The following NCAM2 variants were observed in gnomAD, a reference collection of about 807,000 sequenced individuals.
NCAM2 encodes the protein neural cell adhesion molecule 2, also known as N-CAM-2.
NCAM2 carries 30 observed loss-of-function variants against 98.1 expected under a neutral mutation model. The observed-to-expected ratio is 0.31, with a 90% CI of 0.23 to 0.41. The LOEUF is 0.41. NCAM2 is among the 10% of genes least tolerant of loss of function. The pLI is 1.00. For missense variants in NCAM2, 867 were observed against 1,005.8 expected, an observed-to-expected ratio of 0.86 and a Z score of 1.87; for synonymous variants, 368 against 342.4, an observed-to-expected ratio of 1.07 and a Z score of -0.83.
chr21:21,366,604 TG>T (rs2075792719), intron 8 of NCAM2, among the ~76,000 whole-genome samples: 1 of 152,080 alleles, frequency 6.6e-6, no homozygotes, highest in South Asian at 2.1e-4. Context: ...GCTCTAGACC[TG>T]AGTCTGGTTT....
rs34997215 is a variant in NCAM2, at chr21:21,415,330, CTTTTTTTTTTTT to C, written c.1384-3128_1384-3117del. Among the ~76,000 whole-genome samples the C allele has an allele frequency of 4.0e-3, 284 of 70,840 alleles. 15 individuals carry two copies. Among genetic ancestry groups the C allele is most frequent in the East Asian group, 0.024 (46 of 1,930 alleles). The allele number at this position is 70,840 out of a possible 152,430, so 46.5% of individuals were successfully genotyped here. ...ATTCCATCAATGATCTTAGCTTGAT[CTTTTTTTTTTTT>C]TTTTTTTTTTTTTTGAGACAGGGTC... On this transcript the variant is annotated intron_variant, in intron 10 of 17. Transcript: ENST00000400546.
In NCAM2 at chr21:21,338,374, A is replaced by G. The variant is rs554839697; in HGVS notation, c.899-15A>G. 57 of 1,603,086 alleles carry G rather than the reference A, an allele frequency of 3.6e-5. No individual in the cohort carries two copies. Among genetic ancestry groups the G allele is most frequent in the African/African-American group, 6.7e-5 (5 of 74,626 alleles). Reference sequence around the variant, plus strand: ...TCCTCCAATACCGGTTGAGTAATATATATATTCTTTACAGTACAGCCTCAC... The same window carrying G: ...TCCTCCAATACCGGTTGAGTAATATGTATATTCTTTACAGTACAGCCTCAC... On this transcript the variant is annotated splice_polypyrimidine_tract_variant and intron_variant, in intron 7 of 17. Coordinates refer to ENST00000400546, the MANE Select transcript of NCAM2 (RefSeq NM_004540.5).
At chr21:21,423,076 CATT>C (rs141625183) in intron 11 of NCAM2, among the ~76,000 whole-genome samples, 3,050 of 151,916 alleles carry the variant, frequency 0.02, 98 homozygotes, top group African/African-American at 0.064. Flanking sequence ...TTTGTTTCAT[CATT>C]GTTATATTTT....
chr21:21,459,830 A>G (rs1982697808), intron 12 of NCAM2, among the ~76,000 whole-genome samples: 1 of 151,846 alleles, frequency 6.6e-6, no homozygotes, highest in Non-Finnish European at 1.5e-5. Flanking sequence ...ACTATAATTA[A>G]TAATGCCATA....
intron 9 of NCAM2, among the ~76,000 whole-genome samples, chr21:21,404,752 A>G (rs1248145734): frequency 6.6e-6 from 1 of 151,784 alleles, no homozygotes; most frequent in Non-Finnish European, 1.5e-5. Context: ...GTGAATATGT[A>G]TATATTCATA....
intron 16 of NCAM2, among the ~76,000 whole-genome samples, chr21:21,516,231 A>G (rs1988705284): frequency 6.6e-6 from 1 of 152,208 alleles, no homozygotes; most frequent in Non-Finnish European, 1.5e-5. Context: ...AGTAAGGTCT[A>G]CAGTCTCTGA....
chr21:21,286,191 G>A, intron 3 of NCAM2, 78 bp from the exon 4 acceptor site: 1 of 1,426,138 alleles, frequency 7.0e-7, no homozygotes, highest in South Asian at 1.3e-5. Context: ...ATAGAGTCTG[G>A]ATTATGTTAT....
intron 16 of NCAM2, among the ~76,000 whole-genome samples, chr21:21,530,514 A>T (rs534953218): frequency 6.6e-6 from 1 of 150,730 alleles, no homozygotes; most frequent in Non-Finnish European, 1.5e-5. Flanking sequence ...ATAATTTTCC[A>T]TGTGGTCTAT....
At chr21:21,108,336 G>A (rs895783102) in intron 1 of NCAM2, among the ~76,000 whole-genome samples, 5 of 151,866 alleles carry the variant, frequency 3.3e-5, no homozygotes, top group African/African-American at 9.7e-5. Context: ...TTTCATTCAC[G>A]GTTTAATTTC....
intron 1 of NCAM2, among the ~76,000 whole-genome samples, chr21:21,238,885 A>G (rs189321604): frequency 3.9e-4 from 59 of 152,344 alleles, no homozygotes; most frequent in Middle Eastern, 3.4e-3. Flanking sequence ...GAAGGCTTCA[A>G]TCACATGGCG....
At chr21:21,534,188 A>G (rs369165629) in intron 16 of NCAM2, among the ~76,000 whole-genome samples, 49 of 152,162 alleles carry the variant, frequency 3.2e-4, no homozygotes, top group African/African-American at 1.2e-3. Context: ...AGTTAGAGGA[A>G]AGAAACCTAC....
At chr21:21,430,930 C>T (rs892195233) in intron 11 of NCAM2, among the ~76,000 whole-genome samples, 1 of 151,174 alleles carries the variant, frequency 6.6e-6, no homozygotes, top group Middle Eastern at 3.2e-3. Flanking sequence ...CCTGTAGTCC[C>T]AGCTACTCTG....
rs145954422 is a variant in NCAM2 at position 21,481,181 on chromosome 21, C to G, written c.2077+3710C>G. On this transcript the variant is annotated intron_variant, in intron 15 of 17. Coordinates refer to ENST00000400546, the MANE Select transcript of NCAM2 (RefSeq NM_004540.5). ...CCAGTAACTAGAAGGGCGACTGGCA[C>G]AGCAGTGATTTCCAGAGAATATTTC... Among the ~76,000 whole-genome samples the G allele has an allele frequency of 3.0e-3, 458 of 152,272 alleles. 3 individuals carry two copies. Among genetic ancestry groups the G allele is most frequent in the Non-Finnish European group, 3.7e-3 (254 of 68,026 alleles).
chr21:21,093,653 A>AT (rs1292594549), intron 1 of NCAM2, among the ~76,000 whole-genome samples: 4 of 151,844 alleles, frequency 2.6e-5, no homozygotes, highest in Admixed American at 2.0e-4. Context: ...ATTATACCAG[A>AT]TTTTTTCTGC....
chr21:21,123,311 G>A (rs1601427739), intron 1 of NCAM2, among the ~76,000 whole-genome samples: 1 of 151,782 alleles, frequency 6.6e-6, no homozygotes, highest in African/African-American at 2.4e-5. Context: ...GGAGAATGGC[G>A]TGAACCCGGG....
intron 17 of NCAM2, 51 bp from the exon 18 acceptor site, chr21:21,537,795 C>T (rs2826891): frequency 0.46 from 414,825 of 905,186 alleles, 98,065 homozygotes; most frequent in African/African-American, 0.5. Flanking sequence ...GGTTAAGGTA[C>T]GTCTCCTTAA....
In NCAM2 at chr21:21,143,410, G is replaced by A. The variant is rs377083555; in HGVS notation, c.56-137168G>A. Among the ~76,000 whole-genome samples, 14 of 152,112 alleles carry A rather than the reference G, an allele frequency of 9.2e-5. No homozygotes were observed. The South Asian group carries it at 2.9e-3, about 32-fold the overall frequency. On this transcript the variant is annotated intron_variant, in intron 1 of 17. Transcript: ENST00000400546. ...GTTTTAGCTTGACTGTTTACTTGTG[G>A]TGTCCTTTGCCCTGTGAATTTTTAA... is the stretch of plus-strand genomic sequence containing the variant.
intron 1 of NCAM2, among the ~76,000 whole-genome samples, chr21:21,038,047 T>C (rs1375644049): frequency 6.6e-6 from 1 of 152,168 alleles, no homozygotes; most frequent in Non-Finnish European, 1.5e-5. Context: ...AGAAAATATA[T>C]TGGATATGAT....
chr21:21,514,296 C>T lies in NCAM2; in HGVS notation c.2282+5241C>T, dbSNP rs369600056. Among the ~76,000 whole-genome samples the T allele has an allele frequency of 5.2e-4, 79 of 150,984 alleles. 1 individual carries two copies. Among genetic ancestry groups the T allele is most frequent in the African/African-American group, 1.8e-3 (75 of 41,188 alleles). On this transcript the variant is annotated intron_variant, in intron 16 of 17. Transcript: ENST00000400546. ...TTCGAAACCAGCCTGGACAACATGGCGAAACCCCATCTTTACTAAAAATAC... is the reference window on the plus strand; with the variant it reads ...TTCGAAACCAGCCTGGACAACATGGTGAAACCCCATCTTTACTAAAAATAC...
Sources: gnomAD v4.1 joint callset for allele counts (sites outside exome capture counted in the v4.1 genomes callset) on GRCh38, gnomAD v4.1.1 for gene constraint, MANE v1.5 for transcripts, NCBI Gene and HGNC (gene_info 2026-07-23, HGNC 2026-07-21) for gene names.